The following LIMS1 variants were observed in gnomAD, a reference collection of about 807,000 sequenced individuals.
LIMS1 encodes the protein LIM zinc finger domain containing 1, also known as LIM and senescent cell antigen-like-containing domain protein 1.
LIMS1 carries 18 observed loss-of-function variants against 44.1 expected under a neutral mutation model. The ratio of observed to expected loss-of-function variants is 0.41; its 90% confidence interval spans 0.28 to 0.61. The LOEUF is 0.61. LIMS1 is among the 20% of genes least tolerant of loss of function. LIMS1 has a pLI of 0.32. For missense variants in LIMS1, 201 were observed against 422.0 expected (o/e 0.48, Z 4.59); for synonymous variants, 93 against 149.1 (o/e 0.62, Z 2.74).
intron 1 of LIMS1, among the ~76,000 whole-genome samples, chr2:108,566,799 G>A (rs1685306782): frequency 6.6e-6 from 1 of 152,110 alleles, no homozygotes; most frequent in Non-Finnish European, 1.5e-5. Context: ...GTTTCGCCAT[G>A]TTGGCCAGGC....
chr2:108,570,965 A>G (rs2104631399), intron 1 of LIMS1, among the ~76,000 whole-genome samples: 1 of 152,362 alleles, frequency 6.6e-6, no homozygotes. Flanking sequence ...AACATTTCTC[A>G]AAGTTGCTAA....
exon 10 of LIMS1, chr2:108,685,151 G>C (rs1458728617): frequency 6.6e-6 from 1 of 152,102 alleles, no homozygotes; most frequent in African/African-American, 2.4e-5. Context: ...ATGTGTTTCA[G>C]ATTTTCCATT....
chr2:108,615,997 C>T (rs1285904772), intron 1 of LIMS1, among the ~76,000 whole-genome samples: 1 of 152,082 alleles, frequency 6.6e-6, no homozygotes, highest in Non-Finnish European at 1.5e-5. Flanking sequence ...TCCCTTGGCC[C>T]CTTGAAAACG....
At chr2:108,680,159 A>G (rs1039135346) in intron 8 of LIMS1, among the ~76,000 whole-genome samples, 2 of 151,988 alleles carry the variant, frequency 1.3e-5, no homozygotes, top group African/African-American at 2.4e-5. Context: ...TCACAAGGTC[A>G]AGAGATTGAG....
At chr2:108,586,121 G>C (rs1038331744) in intron 1 of LIMS1, among the ~76,000 whole-genome samples, 3 of 152,172 alleles carry the variant, frequency 2.0e-5, no homozygotes, top group Non-Finnish European at 4.4e-5. Flanking sequence ...GAACCCAGGA[G>C]GCGGAGCTTG....
chr2:108,605,299 C>T (rs1687215530), intron 1 of LIMS1, among the ~76,000 whole-genome samples: 1 of 152,132 alleles, frequency 6.6e-6, no homozygotes, highest in Admixed American at 6.6e-5. Flanking sequence ...ACTTCCCCTG[C>T]TGGGCAAGGT....
exon 10 of LIMS1, chr2:108,683,976 G>A (rs1241781631): frequency 6.3e-7 from 1 of 1,577,818 alleles, no homozygotes; most frequent in Admixed American, 1.8e-5. Context: ...TAAGAAACTA[G>A]CTGAGACCTT....
At chr2:108,569,596 TTTG>T (rs1685412243) in intron 1 of LIMS1, among the ~76,000 whole-genome samples, 1 of 152,228 alleles carries the variant, frequency 6.6e-6, no homozygotes, top group Admixed American at 6.5e-5. Flanking sequence ...TGCTGAGGTT[TTTG>T]TTGTTTGTTG....
At chr2:108,551,466 T>A (rs955701569) in intron 1 of LIMS1, among the ~76,000 whole-genome samples, 19 of 136,410 alleles carry the variant, frequency 1.4e-4, no homozygotes, top group South Asian at 4.5e-4. Flanking sequence ...GTTAGCACAC[T>A]CTATATACAT....
intron 1 of LIMS1, among the ~76,000 whole-genome samples, chr2:108,611,537 T>C (rs1166118285): frequency 6.6e-6 from 1 of 152,124 alleles, no homozygotes; most frequent in African/African-American, 2.4e-5. Flanking sequence ...ATTTTGGGAA[T>C]TTTTGTTCAG....
Position 108,587,290 on chromosome 2 carries a change from TTGTGTGTGTGTGTG to T in LIMS1, c.32+52734_32+52747del, listed in dbSNP as rs58815332. 4.8e-3 allele frequency among the ~76,000 whole-genome samples: 509 copies of T among 106,078 alleles called. 1 individual carries two copies. Among genetic ancestry groups the T allele is most frequent in the African/African-American group, 0.012 (416 of 33,300 alleles). The allele number at this position is 106,078 out of a possible 152,430, so 69.6% of individuals were successfully genotyped here. A position where few individuals can be genotyped will look rare whatever the true frequency, so the allele number is the denominator to read the frequency against. On this transcript the variant is annotated intron_variant, in intron 1 of 9. Transcript: ENST00000544547. ...AAGTGATGAGTTGTTTTCTTGGGGT[TTGTGTGTGTGTGTG>T]TGTGTGTGTGTGTGTGTGTGTGTGT...
At chr2:108,548,615 CA>C (rs1223954232) in intron 1 of LIMS1, among the ~76,000 whole-genome samples, 1 of 152,146 alleles carries the variant, frequency 6.6e-6, no homozygotes, top group Admixed American at 6.6e-5. Context: ...TGATGAAAAA[CA>C]AAACAAGTTC....
chr2:108,583,547 G>C (rs1267089246), intron 1 of LIMS1, among the ~76,000 whole-genome samples: 1 of 152,150 alleles, frequency 6.6e-6, no homozygotes, highest in East Asian at 1.9e-4. Context: ...GGTAAATCAA[G>C]TTAGGTGAAA....
Position 108,607,704 on chromosome 2 carries a change from C to G in LIMS1, c.33-51901C>G, listed in dbSNP as rs190285508. Among the ~76,000 whole-genome samples, 7 of 152,214 alleles carry G rather than the reference C, an allele frequency of 4.6e-5. No individual in the cohort carries two copies. The East Asian group carries it at 1.2e-3, about 25-fold the overall frequency. The stretch of plus-strand genomic sequence containing the variant: ...ATAGTTTATATCCCTTAACTTTTCT[C>G]GTCTTCCTTTGAGTGGGCTCCTAGC... On this transcript the variant is annotated intron_variant, in intron 1 of 9. Transcript: ENST00000544547.
At chr2:108,612,860 A>T (rs1687730549) in intron 1 of LIMS1, among the ~76,000 whole-genome samples, 1 of 152,076 alleles carries the variant, frequency 6.6e-6, no homozygotes, top group South Asian at 2.1e-4. Flanking sequence ...CCTGTCATGC[A>T]CCCAGTTTCC....
intron 1 of LIMS1, among the ~76,000 whole-genome samples, chr2:108,569,764 C>CCTTTTTTTTTTTTTTTTTTTTTTTT (rs753691810): frequency 6.2e-5 from 7 of 113,130 alleles, no homozygotes; most frequent in African/African-American, 2.4e-4. Flanking sequence ...CCATATCTGG[C>CCTTTTTTTTTTTTTTTTTTTTTTTT]TTTTTTTTTT....
intron 1 of LIMS1, among the ~76,000 whole-genome samples, chr2:108,605,650 G>A (rs1406324619): frequency 1.3e-5 from 2 of 152,114 alleles, no homozygotes; most frequent in South Asian, 2.1e-4. Flanking sequence ...AGAAGAATGT[G>A]TCAGTGTTTG....
At chr2:108,661,383 A>G (rs1032669618) in intron 2 of LIMS1, among the ~76,000 whole-genome samples, 53 of 148,664 alleles carry the variant, frequency 3.6e-4, no homozygotes, top group Non-Finnish European at 7.3e-4. Context: ...AACATGCTCT[A>G]TGTATCTTCT....
At chr2:108,679,489 A>G (rs1692802446) in intron 8 of LIMS1, among the ~76,000 whole-genome samples, 2 of 152,200 alleles carry the variant, frequency 1.3e-5, no homozygotes, top group Non-Finnish European at 2.9e-5. Flanking sequence ...CTCAAAAAAA[A>G]TAAATAAATG....
Sources: gnomAD v4.1 joint callset for allele counts (sites outside exome capture counted in the v4.1 genomes callset) on GRCh38, gnomAD v4.1.1 for gene constraint, MANE v1.5 for transcripts, NCBI Gene and HGNC (gene_info 2026-07-23, HGNC 2026-07-21) for gene names.